PPP1R15A: variants seen among roughly 807,000 people sequenced by gnomAD.
PPP1R15A encodes protein phosphatase 1 regulatory subunit 15A, also known as growth arrest and DNA damage-inducible protein GADD34.
A neutral mutation model predicts 48.5 loss-of-function variants in PPP1R15A; 43 were observed. That is an observed-to-expected ratio of 0.89 (90% CI 0.69 to 1.14). PPP1R15A has a LOEUF of 1.14. PPP1R15A is among the 50% of genes most tolerant of loss of function. The pLI is 0.00. For missense variants in PPP1R15A, 868 were observed against 847.2 expected, an observed-to-expected ratio of 1.02 and a Z score of -0.30; for synonymous variants, 327 against 327.4, an observed-to-expected ratio of 1.00 and a Z score of 0.01.
chr19:48,875,435 A>G, intron 2 of PPP1R15A, 179 bp from the exon 3 acceptor site: 1 of 832,538 alleles, frequency 1.2e-6, no homozygotes. Context: ...CTCTTCCTTC[A>G]GTGAGTCAGA....
In PPP1R15A at chr19:48,873,216, CT is replaced by C; in HGVS notation, c.-9-5del. ...CCCTAAACTTTATTTTTTTCTCCCC[CT>C]TTTCCAGCCCAGACACATGGCCCCA... On this transcript the variant is annotated splice_region_variant and splice_polypyrimidine_tract_variant and intron_variant, in intron 1 of 2. Transcript: ENST00000200453. 1 of 1,482,348 alleles carries C rather than the reference CT, an allele frequency of 6.7e-7. No individual in the cohort carries two copies. Among genetic ancestry groups the C allele is most frequent in the Non-Finnish European group, 9.0e-7 (1 of 1,114,386 alleles). The allele number at this position is 1,482,348 out of a possible 1,614,324, so 91.8% of individuals were successfully genotyped here.
chr19:48,875,742 G>A lies in PPP1R15A; in HGVS notation c.1794G>A (p.Gln598=). 6.2e-7 allele frequency: 1 copy of A among 1,613,630 alleles called. No individual in the cohort carries two copies. The highest frequency in any genetic ancestry group is 8.5e-7 in the Non-Finnish European group (1 of 1,179,756). Residue 598 remains glutamine (Q), a synonymous_variant, in exon 3 of 3, where the codon CAG becomes CAA. Transcript: ENST00000200453. ...GCCGCTTCGCACGCCGCATCACCCA[G>A]GCCCAGGAGGAGCTGAGCCCCTGCC... ...DRSRFARRIT[Q]AQEELSPCLT... is the part of the protein sequence containing the mutation.
rs1377592871 is a variant in PPP1R15A, at chr19:48,872,537, C to A, written c.-124C>A. 4.4e-6 allele frequency: 2 copies of A among 455,924 alleles called. No homozygotes were observed. Among genetic ancestry groups the A allele is most frequent in the African/African-American group, 2.0e-5 (1 of 50,060 alleles). 28.2% of individuals were successfully genotyped at this position (455,924 alleles called of 1,614,324 possible). A position where few individuals can be genotyped will look rare whatever the true frequency, so the allele number is the denominator to read the frequency against. On this transcript the variant is annotated 5_prime_UTR_variant, in exon 1 of 3. Coordinates refer to ENST00000200453, the MANE Select transcript of PPP1R15A (RefSeq NM_014330.5). ...GAGATACTCTGAGTTACTCGGAGCC[C>A]GACGCCTGAGGGTGAGATGAACGCG...
In PPP1R15A at chr19:48,873,269, G is replaced by A. The variant is rs149778673; in HGVS notation, c.36G>A (p.Pro12=). The change falls in exon 2 of 3, where the codon CCG becomes CCA. Residue 12 remains proline, a synonymous_variant. Transcript: ENST00000200453. ...GCCAAGCACCCCATCAGGCTACCCC[G>A]TGGAGGGATGCCCACCCTTTCTTCC... ...APGQAPHQAT[P]WRDAHPFFLL... 1.3e-5 allele frequency: 21 copies of A among 1,563,358 alleles called. No homozygotes were observed. The East Asian group carries it at 1.6e-4, about 12-fold the overall frequency.
At chr19:48,872,875 G>C (rs1340964644) in intron 1 of PPP1R15A, among the ~76,000 whole-genome samples, 1 of 152,178 alleles carries the variant, frequency 6.6e-6, no homozygotes, top group Non-Finnish European at 1.5e-5. Context: ...TCAATCTTCA[G>C]CAGAATGAGA....
rs11541192 is a variant in PPP1R15A, at chr19:48,874,167, G to A, written c.934G>A (p.Gly312Ser). Residue 312 changes from glycine to serine, a missense_variant, in exon 2 of 3, where the codon GGT becomes AGT. Physicochemically the swap from Gly to Ser is moderately conservative, Grantham distance 56. Transcript: ENST00000200453. ...WWCQPSDEEEGEVKALGAAEK... is the reference protein window; with the variant it reads ...WWCQPSDEEESEVKALGAAEK... ...GTGCCAACCCAGTGATGAAGAGGAGGGTGAGGTCAAGGCTTTGGGGGCAGC... is the reference window on the plus strand; with the variant it reads ...GTGCCAACCCAGTGATGAAGAGGAGAGTGAGGTCAAGGCTTTGGGGGCAGC... The A allele has an allele frequency of 0.18, 286,353 of 1,613,962 alleles. 26,965 individuals are homozygous for A. The highest frequency in any genetic ancestry group is 0.25 in the African/African-American group (18,942 of 74,950).
In PPP1R15A at chr19:48,875,842, C is replaced by T; in HGVS notation, c.1894C>T (p.Gln632Ter). Residue 632 changes from glutamine (Q) to a stop codon, truncating the protein, a stop_gained, in exon 3 of 3, where the codon CAG becomes TAG. Coordinates refer to ENST00000200453, the MANE Select transcript of PPP1R15A (RefSeq NM_014330.5). LOFTEE classifies it low-confidence loss of function (END_TRUNC). ...TTTAGCCCCCATCCCTGCCCTCACC[C>T]AGACCTTGCCTTCCTCCTCTGTCCC... is the stretch of plus-strand genomic sequence containing the variant. Reference protein sequence around the residue: ...PPLAPIPALTQTLPSSSVPSS... With the variant: ...PPLAPIPALT 1 of 1,614,140 alleles carries T rather than the reference C, an allele frequency of 6.2e-7. No homozygotes were observed. Among genetic ancestry groups the T allele is most frequent in the South Asian group, 1.1e-5 (1 of 91,084 alleles).
Position 48,874,311 on chromosome 19 carries a change from G to T in PPP1R15A, c.1078G>T (p.Glu360Ter). 1 of 1,610,826 alleles carries T rather than the reference G, an allele frequency of 6.2e-7. No individual in the cohort carries two copies. ...GGAAGAGGAAGATGAGGAAGAAGAT[G>T]AGGACAGTGACTCTGGATCAGATGA... The part of the protein sequence containing the change: ...TEEEEDEEED[E>*]DSDSGSDEEE... The change falls in exon 2 of 3, where the codon GAG (glutamate) becomes TAG (stop). Residue 360 changes from glutamate to a stop codon, truncating the protein, a stop_gained. Coordinates refer to ENST00000200453, the MANE Select transcript of PPP1R15A (RefSeq NM_014330.5). LOFTEE classifies it high-confidence loss of function.
At position 48,874,961 on chromosome 19, in the gene PPP1R15A, T is replaced by C. The variant is rs1275421853; in HGVS notation, c.1665+63T>C. ...TTTTAATTGAGTTGGAGTCTTGGGCTGTCACCCAGGCTGGAGTGCAGCGGC... is the reference window on the plus strand; with the variant it reads ...TTTTAATTGAGTTGGAGTCTTGGGCCGTCACCCAGGCTGGAGTGCAGCGGC... On this transcript the variant is annotated intron_variant, in intron 2 of 2. Transcript: ENST00000200453. 4 of 1,435,344 alleles carry C rather than the reference T, an allele frequency of 2.8e-6. No homozygotes were observed. In the African/African-American group the frequency reaches 5.8e-5, roughly 21 times the overall value. The allele number at this position is 1,435,344 out of a possible 1,614,324, so 88.9% of individuals were successfully genotyped here.
chr19:48,873,847 G>A lies in PPP1R15A; in HGVS notation c.614G>A (p.Arg205Lys). The A allele has an allele frequency of 6.2e-7, 1 of 1,614,152 alleles. No individual in the cohort carries two copies. Among genetic ancestry groups the A allele is most frequent in the Non-Finnish European group, 8.5e-7 (1 of 1,180,012 alleles). ...GAAGCTGTAAAGAAAGAAGCTCACA[G>A]AACCTCTACTTCTGCCTTGTCTCCA... ...DEEAVKKEAH[R>K]TSTSALSPGS... The change falls in exon 2 of 3, where the codon AGA (arginine) becomes AAA (lysine). Residue 205 changes from arginine to lysine, a missense_variant. By Grantham distance (26) the Arg-to-Lys change is conservative. Coordinates refer to ENST00000200453, the MANE Select transcript of PPP1R15A (RefSeq NM_014330.5).
At position 48,875,825 on chromosome 19, in the gene PPP1R15A, C is replaced by T; in HGVS notation, c.1877C>T (p.Pro626Leu). The T allele has an allele frequency of 6.2e-7, 1 of 1,614,010 alleles. No individual in the cohort carries two copies. Residue 626 changes from proline to leucine, a missense_variant, in exon 3 of 3, where the codon CCC becomes CTC. Pro to Leu is a moderately conservative substitution (Grantham distance 98). Transcript: ENST00000200453. The stretch of plus-strand genomic sequence containing the variant: ...CGCCTCAGGAACCCACCTTTAGCCC[C>T]CATCCCTGCCCTCACCCAGACCTTG... ...WARLRNPPLA[P>L]IPALTQTLPS...
rs2037038237 is a variant in PPP1R15A, at chr19:48,873,658, T to A, written c.425T>A (p.Leu142Gln). Residue 142 changes from leucine to glutamine, a missense_variant, in exon 2 of 3, where the codon CTG (leucine) becomes CAG (glutamine). By Grantham distance (113) the Leu-to-Gln change is moderately radical. Coordinates refer to ENST00000200453, the MANE Select transcript of PPP1R15A (RefSeq NM_014330.5). Reference sequence around the variant, plus strand: ...TTTGCAGATGGCCAGCGTGCTCCCCTGTCTCCCAGCCTTCTGATAAGGACA... The same window carrying A: ...TTTGCAGATGGCCAGCGTGCTCCCCAGTCTCCCAGCCTTCTGATAAGGACA... ...SQFADGQRAP[L>Q]SPSLLIRTLQ... is the part of the protein sequence containing the mutation. 13 of 1,614,134 alleles carry A rather than the reference T, an allele frequency of 8.1e-6. No homozygotes were observed. Among genetic ancestry groups the A allele is most frequent in the Non-Finnish European group, 1.1e-5 (13 of 1,180,030 alleles).
Position 48,874,047 on chromosome 19 carries a change from G to T in PPP1R15A, c.814G>T (p.Glu272Ter). Reference sequence around the variant, plus strand: ...TTCAGGAGAGGCGTCCGAGGAGAAGGAGGAAAAGGCACACAAAGAAACTGG... The same window carrying T: ...TTCAGGAGAGGCGTCCGAGGAGAAGTAGGAAAAGGCACACAAAGAAACTGG... ...YRSGEASEEK[E>*]EKAHKETGKG... Residue 272 changes from glutamate to a stop codon, truncating the protein, a stop_gained, in exon 2 of 3, where the codon GAG becomes TAG. Transcript: ENST00000200453. LOFTEE classifies it high-confidence loss of function. The T allele has an allele frequency of 6.2e-7, 1 of 1,614,218 alleles. No individual in the cohort carries two copies. The highest frequency in any genetic ancestry group is 8.5e-7 in the Non-Finnish European group (1 of 1,180,028).
At position 48,873,798 on chromosome 19, in the gene PPP1R15A, G is replaced by C; in HGVS notation, c.565G>C (p.Ala189Pro). ...ACCATCACACCGGGAGTGTTGTCCA[G>C]CCGTGGAGGAGGAGGACGATGAAGA... ...YPPSHRECCP[A>P]VEEEDDEEAV... The change falls in exon 2 of 3, where the codon GCC (alanine) becomes CCC (proline). Residue 189 changes from alanine (A) to proline (P), a missense_variant. Ala to Pro is a conservative substitution (Grantham distance 27). Coordinates refer to ENST00000200453, the MANE Select transcript of PPP1R15A (RefSeq NM_014330.5). 1 of 1,614,112 alleles carries C rather than the reference G, an allele frequency of 6.2e-7. No homozygotes were observed. Among genetic ancestry groups the C allele is most frequent in the Admixed American group, 1.7e-5 (1 of 60,012 alleles).
chr19:48,874,377 A>G lies in PPP1R15A; in HGVS notation c.1144A>G (p.Thr382Ala). ...EAEASSSTPA[T>A]GVFLKSWVYQ... ...TGAGGCTTCCTCTTCCACTCCTGCTACAGGTGTCTTCTTGAAGTCCTGGGT... is the reference window on the plus strand; with the variant it reads ...TGAGGCTTCCTCTTCCACTCCTGCTGCAGGTGTCTTCTTGAAGTCCTGGGT... Residue 382 changes from threonine to alanine, a missense_variant, in exon 2 of 3, where the codon ACA becomes GCA. Transcript: ENST00000200453. The G allele has an allele frequency of 6.2e-7, 1 of 1,613,830 alleles. No homozygotes were observed. The highest frequency in any genetic ancestry group is 8.5e-7 in the Non-Finnish European group (1 of 1,179,914).
At position 48,874,628 on chromosome 19, in the gene PPP1R15A, G is replaced by A. The variant is rs200581070; in HGVS notation, c.1395G>A (p.Glu465=). The change falls in exon 2 of 3, where the codon GAG becomes GAA. Residue 465 remains glutamate (E), a synonymous_variant. Transcript: ENST00000200453. ...DDSEAALGEA[E]SDPHPSHPDQ... The stretch of plus-strand genomic sequence containing the variant: ...CAGAAGCAGCCTTGGGAGAAGCTGA[G>A]TCAGACCCACATCCCTCCCACCCGG... The A allele has an allele frequency of 1.5e-5, 24 of 1,613,990 alleles. No individual in the cohort carries two copies. The East Asian group carries it at 5.3e-4, about 36-fold the overall frequency.
In PPP1R15A at chr19:48,876,003, CTATT is replaced by C. The variant is rs767004843; in HGVS notation, c.*36_*39del. The C allele has an allele frequency of 1.1e-5, 16 of 1,515,810 alleles. No homozygotes were observed. The East Asian group carries it at 1.1e-4, about 11-fold the overall frequency. The allele number at this position is 1,515,810 out of a possible 1,614,324, so 93.9% of individuals were successfully genotyped here. ...AACTGGTTTGCCTATAATTTATTAA[CTATT>C]TATTTTTTCTAAGTGTGGGTTTATA... is the stretch of plus-strand genomic sequence containing the variant. On this transcript the variant is annotated 3_prime_UTR_variant, in exon 3 of 3. Transcript: ENST00000200453.
In PPP1R15A at chr19:48,875,617, C is replaced by A; in HGVS notation, c.1669C>A (p.Arg557Ser). 1 of 1,588,022 alleles carries A rather than the reference C, an allele frequency of 6.3e-7. No homozygotes were observed. The highest frequency in any genetic ancestry group is 1.1e-5 in the South Asian group (1 of 89,710). Residue 557 changes from arginine (R) to serine (S), a missense_variant, in exon 3 of 3, where the codon CGC (arginine) becomes AGC (serine). Physicochemically the swap from Arg to Ser is moderately radical, Grantham distance 110. Coordinates refer to ENST00000200453, the MANE Select transcript of PPP1R15A (RefSeq NM_014330.5). ...PETPLKARKV[R>S]FSEKVTVHFL... ...GTGTCCCCATGTCTGCCCGCAGGTG[C>A]GCTTCTCCGAGAAGGTCACTGTCCA...
In PPP1R15A at chr19:48,874,275, G is replaced by A. The variant is rs756385137; in HGVS notation, c.1042G>A (p.Glu348Lys). 1 of 1,614,186 alleles carries A rather than the reference G, an allele frequency of 6.2e-7. No individual in the cohort carries two copies. Among genetic ancestry groups the A allele is most frequent in the South Asian group, 1.1e-5 (1 of 91,076 alleles). ...GAAGGCCTGGGTGTATTGGCCAGGA[G>A]AGGACACAGAGGAAGAGGAAGATGA... ...FLKAWVYWPG[E>K]DTEEEEDEEE... is the part of the protein sequence containing the mutation. Residue 348 changes from glutamate (E) to lysine (K), a missense_variant, in exon 2 of 3, where the codon GAG becomes AAG. Coordinates refer to ENST00000200453, the MANE Select transcript of PPP1R15A (RefSeq NM_014330.5).
Sources: gnomAD v4.1 joint callset for allele counts (sites outside exome capture counted in the v4.1 genomes callset) on GRCh38, gnomAD v4.1.1 for gene constraint, MANE v1.5 for transcripts, NCBI Gene and HGNC (gene_info 2026-07-23, HGNC 2026-07-21) for gene names.